Variants in JPH3 observed in about 807,000 individuals in gnomAD.
JPH3 encodes junctophilin 3, also known as junctophilin-3.
In JPH3, 11 loss-of-function variants were observed where a neutral mutation model predicts 59.6. The ratio of observed to expected loss-of-function variants is 0.18; its 90% confidence interval spans 0.12 to 0.31. The LOEUF is 0.31. Among genes scored for constraint, JPH3 ranks in the 10% least tolerant of loss-of-function variants. The pLI, the probability that JPH3 is intolerant of heterozygous loss-of-function variation, is 1.00. For synonymous variants in JPH3, 673 were observed against 483.6 expected, an observed-to-expected ratio of 1.39 and a Z score of -5.14; for missense variants, 1,202 against 1,105.7, an observed-to-expected ratio of 1.09 and a Z score of -1.24.
chr16:87,625,322 C>T (rs2031331792), intron 1 of JPH3, among the ~76,000 whole-genome samples: 1 of 152,150 alleles, frequency 6.6e-6, no homozygotes, highest in Admixed American at 6.5e-5. Context: ...GTGGGTCATT[C>T]CTGAACCCTC....
chr16:87,684,450 C>T lies in JPH3; in HGVS notation c.1285+184C>T, dbSNP rs2033368982. The T allele has an allele frequency of 1.4e-5, 12 of 876,836 alleles. No homozygotes were observed. The East Asian group carries it at 3.3e-4, about 24-fold the overall frequency. The allele number at this position is 876,836 out of a possible 1,614,324, so 54.3% of individuals were successfully genotyped here. On this transcript the variant is annotated intron_variant, in intron 3 of 4. Coordinates refer to ENST00000284262, the MANE Select transcript of JPH3 (RefSeq NM_020655.4). ...TTGTTTGTGCCAAGGCCTGGCCTGG[C>T]TCCCCGGGACACAGGACATGTGTCT...
intron 2 of JPH3, among the ~76,000 whole-genome samples, chr16:87,660,653 C>T (rs765394713): frequency 3.3e-5 from 5 of 152,210 alleles, no homozygotes; most frequent in African/African-American, 9.6e-5. Context: ...AGCCGCACCT[C>T]GCAGTGGACA....
At chr16:87,689,457 C>T (rs2033501538) in intron 3 of JPH3, among the ~76,000 whole-genome samples, 189 bp from the exon 4 acceptor site, 1 of 152,090 alleles carries the variant, frequency 6.6e-6, no homozygotes, top group Non-Finnish European at 1.5e-5. Context: ...GGGTGGGGAC[C>T]ACGGGGGTCC....
At chr16:87,683,344 A>G (rs1190655299) in intron 2 of JPH3, among the ~76,000 whole-genome samples, 10 of 151,596 alleles carry the variant, frequency 6.6e-5, no homozygotes, top group Middle Eastern at 3.4e-3. Flanking sequence ...TTGCTCTGTC[A>G]CCCAGGCTGG....
intron 2 of JPH3, chr16:87,653,990 C>G (rs1026373557): frequency 1.3e-5 from 2 of 152,238 alleles, no homozygotes; most frequent in African/African-American, 2.4e-5. Context: ...GAGTGGCAGT[C>G]TGATCACTCT....
intron 2 of JPH3, among the ~76,000 whole-genome samples, chr16:87,652,653 C>T (rs911257650): frequency 2.0e-5 from 3 of 152,216 alleles, no homozygotes; most frequent in African/African-American, 7.2e-5. Flanking sequence ...CAGCCCCCGT[C>T]TGTCCTGGAG....
chr16:87,691,845 G>A (rs1239181025), intron 4 of JPH3, among the ~76,000 whole-genome samples: 4 of 152,164 alleles, frequency 2.6e-5, no homozygotes, highest in Admixed American at 6.5e-5. Context: ...AGATGTGTGC[G>A]TGGCTGTGCG....
chr16:87,638,911 GC>G lies in JPH3; in HGVS notation c.383-5342del, dbSNP rs201910036. 3.7e-3 allele frequency among the ~76,000 whole-genome samples: 556 copies of G among 152,186 alleles called. 9 individuals carry two copies. Among genetic ancestry groups the G allele is most frequent in the African/African-American group, 0.012 (511 of 41,520 alleles). ...CGAATCTCTCAGGATGTGAAGTGTG[GC>G]CCCCAGCCTGGTGCCTTTGCAGTGG... is the stretch of plus-strand genomic sequence containing the variant. On this transcript the variant is annotated intron_variant, in intron 1 of 4. Transcript: ENST00000284262.
intron 3 of JPH3, among the ~76,000 whole-genome samples, chr16:87,687,481 G>A (rs2033446419): frequency 6.6e-6 from 1 of 152,180 alleles, no homozygotes; most frequent in Non-Finnish European, 1.5e-5. Context: ...TCAGGGTTCT[G>A]CCCAAGGCCA....
In JPH3 at chr16:87,690,383, G is replaced by C. The variant is rs773555724; in HGVS notation, c.2023G>C (p.Val675Leu). The C allele has an allele frequency of 6.5e-7, 1 of 1,528,318 alleles. No homozygotes were observed. The allele number at this position is 1,528,318 out of a possible 1,614,324, so 94.7% of individuals were successfully genotyped here. A position where few individuals can be genotyped will look rare whatever the true frequency, so the allele number is the denominator to read the frequency against. The change falls in exon 4 of 5, where the codon GTG becomes CTG. Residue 675 changes from valine (V) to leucine (L), a missense_variant. By Grantham distance (32) the Val-to-Leu change is conservative (BLOSUM62 1). Transcript: ENST00000284262. ...GCCGGCCTCCTCCGCGGAGCCCGCC[G>C]TGCAGAAACTGGCGAGCCTGCGGCT... ...FRPASSAEPA[V>L]QKLASLRLGG... is the part of the protein sequence containing the mutation.
At chr16:87,639,647 T>G (rs373418177) in intron 1 of JPH3, among the ~76,000 whole-genome samples, 93 of 94,624 alleles carry the variant, frequency 9.8e-4, no homozygotes, top group South Asian at 4.0e-3. Flanking sequence ...CTCCCGCCTG[T>G]CCTCCCGCCT....
intron 1 of JPH3, among the ~76,000 whole-genome samples, chr16:87,613,204 C>G (rs1032901755): frequency 9.4e-5 from 14 of 149,398 alleles, no homozygotes; most frequent in African/African-American, 3.4e-4. Context: ...TCACGCCATT[C>G]TCCTGCCTCA....
At position 87,690,202 on chromosome 16, in the gene JPH3, G is replaced by T. The variant is rs778472211; in HGVS notation, c.1842G>T (p.Glu614Asp). Residue 614 changes from glutamate to aspartate, a missense_variant, in exon 4 of 5, where the codon GAG becomes GAT. By Grantham distance (45) the Glu-to-Asp change is conservative. Transcript: ENST00000284262. Reference sequence around the variant, plus strand: ...AGAAGCTGAGCAACTACCGGATGGAGATGAAACCCTTGCTGAGGATGGAGA... The same window carrying T: ...AGAAGCTGAGCAACTACCGGATGGATATGAAACCCTTGCTGAGGATGGAGA... ...QEEKLSNYRMEMKPLLRMETH... is the reference protein window; with the variant it reads ...QEEKLSNYRMDMKPLLRMETH... 3.6e-5 allele frequency: 57 copies of T among 1,602,992 alleles called. No homozygotes were observed. The highest frequency in any genetic ancestry group is 4.6e-5 in the Non-Finnish European group (54 of 1,175,364).
Position 87,644,238 on chromosome 16 carries a change from C to A in JPH3, c.383-20C>A, listed in dbSNP as rs1220536838. ...CTCCTCTGTCGCTGGGCACTCACCC[C>A]TCTCTCATTTTCTCCCCAGGGACCT... On this transcript the variant is annotated intron_variant, in intron 1 of 4. Transcript: ENST00000284262. 2 of 1,585,418 alleles carry A rather than the reference C, an allele frequency of 1.3e-6. No individual in the cohort carries two copies. The highest frequency in any genetic ancestry group is 3.5e-5 in the Admixed American group (2 of 57,934).
At chr16:87,689,058 C>A (rs1014497827) in intron 3 of JPH3, among the ~76,000 whole-genome samples, 10 of 152,144 alleles carry the variant, frequency 6.6e-5, no homozygotes, top group Non-Finnish European at 1.3e-4. Flanking sequence ...CTGTGGTGAC[C>A]TCCCCTTCCG....
At chr16:87,689,131 C>G (rs1481752978) in intron 3 of JPH3, among the ~76,000 whole-genome samples, 1 of 152,140 alleles carries the variant, frequency 6.6e-6, no homozygotes, top group South Asian at 2.1e-4. Context: ...GAAGTCGGCT[C>G]CTGGGCTCTC....
chr16:87,653,545 G>C (rs2032395524), intron 2 of JPH3: 1 of 152,158 alleles, frequency 6.6e-6, no homozygotes, highest in Non-Finnish European at 1.5e-5. Context: ...CTGAAATGGA[G>C]GGGGATATTT....
chr16:87,618,328 G>A (rs1187648331), intron 1 of JPH3, among the ~76,000 whole-genome samples: 3 of 152,176 alleles, frequency 2.0e-5, no homozygotes, highest in Non-Finnish European at 2.9e-5. Flanking sequence ...GAGGGAGGCC[G>A]GGCAGCAGCT....
chr16:87,687,732 C>T (rs1209408605), intron 3 of JPH3, among the ~76,000 whole-genome samples: 1 of 152,194 alleles, frequency 6.6e-6, no homozygotes, highest in Non-Finnish European at 1.5e-5. Context: ...AGGGTGCCCT[C>T]CTGCTGGTGG....
Sources: gnomAD v4.1 joint callset for allele counts (sites outside exome capture counted in the v4.1 genomes callset) on GRCh38, gnomAD v4.1.1 for gene constraint, MANE v1.5 for transcripts, NCBI Gene and HGNC (gene_info 2026-07-23, HGNC 2026-07-21) for gene names.